HOOK2: variants seen among roughly 807,000 people sequenced by gnomAD.
HOOK2 encodes the protein protein Hook homolog 2.
HOOK2 carries 108 observed loss-of-function variants against 111.9 expected under a neutral mutation model. The observed-to-expected ratio is 0.96, with a 90% confidence interval of 0.83 to 1.13. The LOEUF is 1.13. Ranked by LOEUF, HOOK2 falls within the 50% of genes most tolerant of loss-of-function variation. HOOK2 has a pLI of 0.00. For missense variants in HOOK2, 978 were observed against 951.3 expected (o/e 1.03, Z -0.37); for synonymous variants, 405 against 394.3 (o/e 1.03, Z -0.32).
chr19:12,763,191 G>A lies in HOOK2; in HGVS notation c.*91C>T, dbSNP rs373570611. ...CAGAGATCATGGCCTCAAAGCTCTC[G>A]AGCACCTGGCTGAAGCCCAGTGCTG... On this transcript the variant is annotated 3_prime_UTR_variant, in exon 23 of 23. Transcript: ENST00000397668. 23 of 1,356,628 alleles carry A rather than the reference G, an allele frequency of 1.7e-5. No individual in the cohort carries two copies. Among genetic ancestry groups the A allele is most frequent in the East Asian group, 2.7e-5 (1 of 36,898 alleles). 84.0% of individuals were successfully genotyped at this position (1,356,628 alleles called of 1,614,324 possible).
chr19:12,772,063 G>C (rs1469141549), intron 7 of HOOK2, 127 bp downstream of exon 7: 1 of 738,690 alleles, frequency 1.4e-6, no homozygotes, highest in Non-Finnish European at 2.4e-6. Context: ...CTGAGCATCT[G>C]TAAGTGGGGT....
rs750570071 is a variant in HOOK2 at position 12,774,669 on chromosome 19, C to T, written c.204G>A (p.Lys68=). Residue 68 remains lysine, a splice_region_variant and synonymous_variant, in exon 3 of 23, where the codon AAG becomes AAA. Coordinates refer to ENST00000397668, the MANE Select transcript of HOOK2 (RefSeq NM_013312.3). ...CTCTAATCAGGAGTCCACTTGTCACCTTCAGCTTCCAGTTGGGACCTGGAT... is the reference window on the plus strand; with the variant it reads ...CTCTAATCAGGAGTCCACTTGTCACTTTCAGCTTCCAGTTGGGACCTGGAT... ...SEDPGPNWKL[K]VSNLKMVLRS... The T allele has an allele frequency of 4.3e-6, 7 of 1,614,172 alleles. No individual in the cohort carries two copies. Among genetic ancestry groups the T allele is most frequent in the Admixed American group, 1.7e-5 (1 of 60,030 alleles).
chr19:12,774,875 G>A lies in HOOK2; in HGVS notation c.68C>T (p.Ser23Phe), dbSNP rs745428915. Residue 23 changes from serine to phenylalanine, a missense_variant, in exon 2 of 23, where the codon TCT becomes TTT. Physicochemically the swap from Ser to Phe is radical, Grantham distance 155. Transcript: ENST00000397668. ...CAGGTCCTGAGGGCTGGCACAGGGA[G>A]ACGGAACGTGGAACGTCTGTAACTG... is the stretch of plus-strand genomic sequence containing the variant. ...LTWLQTFHVPSPCASPQDLSS... is the reference protein window; with the variant it reads ...LTWLQTFHVPFPCASPQDLSS... The A allele has an allele frequency of 5.6e-6, 9 of 1,614,098 alleles. No individual in the cohort carries two copies. The South Asian group carries it at 9.9e-5, about 18-fold the overall frequency.
upstream of HOOK2, among the ~76,000 whole-genome samples, chr19:12,776,447 C>G (rs1968513062): frequency 6.6e-6 from 1 of 151,104 alleles, no homozygotes; most frequent in Admixed American, 6.6e-5. Flanking sequence ...TTTGGGAGGC[C>G]GAGGCGGGCG....
At position 12,771,077 on chromosome 19, in the gene HOOK2, G is replaced by A. The variant is rs894377859; in HGVS notation, c.762-5C>T. 1 of 1,612,398 alleles carries A rather than the reference G, an allele frequency of 6.2e-7. No homozygotes were observed. Among genetic ancestry groups the A allele is most frequent in the African/African-American group, 1.3e-5 (1 of 75,020 alleles). Reference sequence around the variant, plus strand: ...TCCTCCCTGCCACTCTCCAGCCTGGGGGTGTTGGGGGAAGAGCACATGAGG... The same window carrying A: ...TCCTCCCTGCCACTCTCCAGCCTGGAGGTGTTGGGGGAAGAGCACATGAGG... On this transcript the variant is annotated splice_polypyrimidine_tract_variant and splice_region_variant and intron_variant, in intron 9 of 22. Transcript: ENST00000397668.
Position 12,767,397 on chromosome 19 carries a change from G to T in HOOK2, c.1371C>A (p.Leu457=), listed in dbSNP as rs1568362945. 6.2e-7 allele frequency: 1 copy of T among 1,613,790 alleles called. No homozygotes were observed. Among genetic ancestry groups the T allele is most frequent in the African/African-American group, 1.3e-5 (1 of 75,018 alleles). The part of the protein sequence containing the change: ...NLAAEILPAE[L]RETLLRLQLE... The stretch of plus-strand genomic sequence containing the variant: ...AGTTTTGAGTGACCCCAGGATACCT[G>T]AGCTCCGCAGGCAGGATCTCTGCGG... Residue 457 remains leucine, a splice_region_variant and synonymous_variant, in exon 14 of 23, where the codon CTC becomes CTA. Coordinates refer to ENST00000397668, the MANE Select transcript of HOOK2 (RefSeq NM_013312.3).
chr19:12,769,999 C>T lies in HOOK2; in HGVS notation c.986G>A (p.Arg329Gln), dbSNP rs528310796. The T allele has an allele frequency of 7.8e-6, 12 of 1,544,466 alleles. No individual in the cohort carries two copies. The highest frequency in any genetic ancestry group is 1.7e-4 in the Middle Eastern group (1 of 5,768). The change falls in exon 11 of 23, where the codon CGG becomes CAG. Residue 329 changes from arginine to glutamine, a missense_variant. By Grantham distance (43) the Arg-to-Gln change is conservative (BLOSUM62 1). Around this residue, in one of 5 missense-constraint regions of HOOK2, gnomAD observed 388 missense variants for 358.3 expected, o/e 1.08. Coordinates refer to ENST00000397668, the MANE Select transcript of HOOK2 (RefSeq NM_013312.3). Reference protein sequence around the residue: ...RRLGELRELRRQVRQLEERNA... With the variant: ...RRLGELRELRQQVRQLEERNA... ...GCGTTCCTCCAGCTGCCGCACCTGC[C>T]GCCGCAGCTCCCTCAGCTCGCCCAA...
intron 3 of HOOK2, among the ~76,000 whole-genome samples, chr19:12,789,820 C>G (rs1012579459): frequency 6.6e-6 from 1 of 151,664 alleles, no homozygotes; most frequent in Non-Finnish European, 1.5e-5. Context: ...GCCCCGGGGG[C>G]GGCGGTCGGG....
chr19:12,772,776 A>G lies in HOOK2; in HGVS notation c.388+4T>C, dbSNP rs773123997. 1.2e-6 allele frequency: 2 copies of G among 1,614,154 alleles called. No homozygotes were observed. Among genetic ancestry groups the G allele is most frequent in the Admixed American group, 3.3e-5 (2 of 60,032 alleles). ...GCCCTGGGGACCCCCTAAGCTCCCC[A>G]TACCCTGCTTTTTCTCGCAACTGAT... On this transcript the variant is annotated splice_donor_region_variant and intron_variant, in intron 5 of 22. Coordinates refer to ENST00000397668, the MANE Select transcript of HOOK2 (RefSeq NM_013312.3).
At position 12,772,212 on chromosome 19, in the gene HOOK2, G is replaced by C. The variant is rs145148176; in HGVS notation, c.497C>G (p.Thr166Arg). ...KDTPDSLSPE[T>R]YGNFDSQSRR... ...TACCTGGCTGTCAAAGTTGCCATAC[G>C]TCTCTGGTGACAGGGAGTCAGGAGT... The change falls in exon 7 of 23, where the codon ACG becomes AGG. Residue 166 changes from threonine (T) to arginine (R), a missense_variant. This residue lies in a region of HOOK2 where 301 missense variants were observed against 286.1 expected (regional missense o/e 1.05). Coordinates refer to ENST00000397668, the MANE Select transcript of HOOK2 (RefSeq NM_013312.3). 1.2e-6 allele frequency: 2 copies of C among 1,613,704 alleles called. No homozygotes were observed. Among genetic ancestry groups the C allele is most frequent in the African/African-American group, 1.3e-5 (1 of 74,894 alleles).
Position 12,763,612 on chromosome 19 carries a change from CA to C in HOOK2, c.1939-14del. On this transcript the variant is annotated splice_polypyrimidine_tract_variant and intron_variant, in intron 21 of 22. Transcript: ENST00000397668. ...TCTCAAAGTCCATCTGTCAAGGAGG[CA>C]AGTGTCAGGGGCCTAGATACGTTGG... The C allele has an allele frequency of 6.2e-7, 1 of 1,614,232 alleles. No homozygotes were observed. Among genetic ancestry groups the C allele is most frequent in the African/African-American group, 1.3e-5 (1 of 75,064 alleles).
At chr19:12,770,197 G>C (rs1170235489) in intron 10 of HOOK2, 115 bp from the exon 11 acceptor site, 1 of 886,174 alleles carries the variant, frequency 1.1e-6, no homozygotes, top group African/African-American at 1.8e-5. Context: ...TTGGGTTCAA[G>C]GTGAAGGGGT....
At chr19:12,770,482 G>A (rs1968287411) in intron 10 of HOOK2, among the ~76,000 whole-genome samples, 1 of 151,916 alleles carries the variant, frequency 6.6e-6, no homozygotes. Context: ...TTACAGAGAT[G>A]CTATAGGGGC....
chr19:12,767,299 A>G, intron 14 of HOOK2, 96 bp downstream of exon 14: 1 of 1,041,354 alleles, frequency 9.6e-7, no homozygotes, highest in Non-Finnish European at 1.5e-6. Flanking sequence ...AGACCAAGCA[A>G]CCGGGGCTAG....
rs765297370 is a variant in HOOK2, at chr19:12,763,409, G to A, written c.2033C>T (p.Ala678Val). ...YNMGMALQQR[A>V]GEERAPAHAQ... ...ATGGGCAGGCGCCCGCTCCTCCCCA[G>A]CTCGCTGCTGCAAGGCCATGCCCTT... The change falls in exon 23 of 23, where the codon GCT becomes GTT. Residue 678 changes from alanine to valine, a missense_variant. Physicochemically the swap from Ala to Val is moderately conservative, Grantham distance 64. Coordinates refer to ENST00000397668, the MANE Select transcript of HOOK2 (RefSeq NM_013312.3). 5 of 1,613,960 alleles carry A rather than the reference G, an allele frequency of 3.1e-6. No individual in the cohort carries two copies. The South Asian group carries it at 3.3e-5, about 11-fold the overall frequency.
Position 12,763,365 on chromosome 19 carries a change from G to A in HOOK2, c.2077C>T (p.Gln693Ter), listed in dbSNP as rs780854410. ...CGAGAATTGGTTGCCAGCCGCTGCT[G>A]TGCCAGGAATGACTGGGCATGGGCA... ...APAHAQSFLAQQRLATNSRRG... is the reference protein window; with the variant it reads ...APAHAQSFLA The change falls in exon 23 of 23, where the codon CAG (glutamine) becomes TAG (stop). Residue 693 changes from glutamine to a stop codon, truncating the protein, a stop_gained. Transcript: ENST00000397668. LOFTEE classifies it high-confidence loss of function. The A allele has an allele frequency of 3.1e-6, 5 of 1,614,180 alleles. No individual in the cohort carries two copies. Among genetic ancestry groups the A allele is most frequent in the Non-Finnish European group, 4.2e-6 (5 of 1,180,038 alleles).
At position 12,786,854 on chromosome 19, in the gene HOOK2, C is replaced by T. The variant is rs1251317805; in HGVS notation, n.42-12629G>A. 6.6e-6 allele frequency among the ~76,000 whole-genome samples: 1 copy of T among 152,162 alleles called. No homozygotes were observed. Among genetic ancestry groups the T allele is most frequent in the East Asian group, 1.9e-4 (1 of 5,198 alleles). On this transcript the variant is annotated intron_variant and non_coding_transcript_variant, in intron 3 of 3. Coordinates refer to the HOOK2 transcript ENST00000589765. This position sits in a 1 kb window ranked among gnomAD's most constrained non-coding sequence, Gnocchi z 4.3. ...CCCGTGCCCCTCTGTCTGTGCCCCA[C>T]CACATTTCTCCCCCAATTAAAGGAG...
intron 3 of HOOK2, among the ~76,000 whole-genome samples, chr19:12,784,259 C>T (rs749403062): frequency 6.6e-6 from 1 of 152,082 alleles, no homozygotes; most frequent in Non-Finnish European, 1.5e-5. Flanking sequence ...ACAGTCACCC[C>T]GAGAGAGCCA....
intron 10 of HOOK2, among the ~76,000 whole-genome samples, chr19:12,770,576 T>A (rs1296309776): frequency 6.6e-6 from 1 of 151,438 alleles, no homozygotes; most frequent in African/African-American, 2.4e-5. Context: ...TCCTAGAAGG[T>A]ACCATGGGAT....
Sources: allele counts gnomAD v4.1 joint callset (sites outside exome capture counted in the v4.1 genomes callset), GRCh38; gene constraint gnomAD v4.1.1; regional missense constraint gnomAD v4.1.1; non-coding constraint Gnocchi (gnomAD v3.1); transcripts MANE v1.5; gene names NCBI Gene and HGNC (gene_info 2026-07-23, HGNC 2026-07-21).